Variants in MTUS2 observed in about 807,000 individuals in gnomAD.
The protein encoded by MTUS2 is microtubule associated scaffold protein 2.
In MTUS2, 40 loss-of-function variants were observed where a neutral mutation model predicts 114.1. That is an observed-to-expected ratio of 0.35 (90% confidence interval 0.27 to 0.46). MTUS2 has a LOEUF of 0.46. Ranked by LOEUF, MTUS2 falls within the 20% of genes least tolerant of loss-of-function variation. MTUS2 has a pLI of 1.00. For missense variants in MTUS2, 1,679 were observed against 1,705.4 expected, an observed-to-expected ratio of 0.98 and a Z score of 0.27; for synonymous variants, 688 against 672.0, an observed-to-expected ratio of 1.02 and a Z score of -0.37.
rs115985375 is a variant in MTUS2, at chr13:29,319,317, G to A, written c.2807-5296G>A. ...CGGAGGTCATGGTGACGTGAGGCAC[G>A]ACTGTCCCCCAGGGGGGACTTCAAC... On this transcript the variant is annotated intron_variant, in intron 6 of 15. Coordinates refer to ENST00000612955, the MANE Select transcript of MTUS2 (RefSeq NM_001033602.4). Among the ~76,000 whole-genome samples, 345 of 152,268 alleles carry A rather than the reference G, an allele frequency of 2.3e-3. 1 individual carries two copies. The highest frequency in any genetic ancestry group is 7.7e-3 in the African/African-American group (319 of 41,560).
chr13:29,212,680 A>C (rs1895495689), intron 5 of MTUS2, among the ~76,000 whole-genome samples: 1 of 152,286 alleles, frequency 6.6e-6, no homozygotes, highest in East Asian at 1.9e-4. Flanking sequence ...GGATATTATA[A>C]AGGATACAGA....
chr13:28,935,878 C>T (rs1881876061), intron 2 of MTUS2, among the ~76,000 whole-genome samples: 1 of 152,060 alleles, frequency 6.6e-6, no homozygotes, highest in African/African-American at 2.4e-5. Flanking sequence ...TCCTGAGTAG[C>T]TGGGACCACA....
intron 7 of MTUS2, among the ~76,000 whole-genome samples, chr13:29,343,671 T>C (rs933255749): frequency 2.0e-5 from 3 of 148,700 alleles, no homozygotes; most frequent in Non-Finnish European, 3.0e-5. Flanking sequence ...TGATCTTTGT[T>C]ATTTCTTCTC....
chr13:29,241,627 G>A (rs1471021265), intron 5 of MTUS2, among the ~76,000 whole-genome samples: 1 of 152,130 alleles, frequency 6.6e-6, no homozygotes, highest in Non-Finnish European at 1.5e-5. Context: ...ACATTTGATT[G>A]CATTTGTTCT....
intron 5 of MTUS2, among the ~76,000 whole-genome samples, chr13:29,227,570 A>T (rs777107718): frequency 1.3e-5 from 2 of 152,202 alleles, no homozygotes; most frequent in Non-Finnish European, 2.9e-5. Flanking sequence ...CATCATACCA[A>T]GGAGAATCTG....
At chr13:28,994,431 TG>T (rs1236960698) in intron 2 of MTUS2, among the ~76,000 whole-genome samples, 2 of 152,220 alleles carry the variant, frequency 1.3e-5, no homozygotes, top group Non-Finnish European at 2.9e-5. Context: ...ATGGGATGGC[TG>T]GGTCAAATGG....
At chr13:29,139,631 C>G (rs1593519418) in intron 5 of MTUS2, among the ~76,000 whole-genome samples, 1 of 152,172 alleles carries the variant, frequency 6.6e-6, no homozygotes, top group Non-Finnish European at 1.5e-5. Context: ...TATCTTCACT[C>G]TACGGTTTGG....
intron 4 of MTUS2, among the ~76,000 whole-genome samples, chr13:29,099,831 A>T (rs1593475322): frequency 6.6e-6 from 1 of 152,172 alleles, no homozygotes; most frequent in Non-Finnish European, 1.5e-5. Context: ...CAATATTGTG[A>T]TTCTCTCTGG....
chr13:29,282,477 G>A (rs971975486), intron 6 of MTUS2, among the ~76,000 whole-genome samples: 10 of 152,364 alleles, frequency 6.6e-5, no homozygotes, highest in African/African-American at 2.2e-4. Context: ...GGTGTAACTA[G>A]CACAGGTGCT....
intron 5 of MTUS2, among the ~76,000 whole-genome samples, chr13:29,190,745 C>T (rs1247394541): frequency 6.6e-6 from 1 of 152,198 alleles, no homozygotes; most frequent in Non-Finnish European, 1.5e-5. Context: ...AACTTAGTCT[C>T]TTTCAGTACT....
intron 2 of MTUS2, among the ~76,000 whole-genome samples, chr13:28,988,015 A>G (rs1293188123): frequency 6.6e-6 from 1 of 152,248 alleles, no homozygotes; most frequent in East Asian, 1.9e-4. Context: ...CCTTGGAACA[A>G]TGAAGTCAGA....
intron 2 of MTUS2, among the ~76,000 whole-genome samples, chr13:28,977,294 T>C (rs189985869): frequency 3.3e-5 from 5 of 152,292 alleles, no homozygotes; most frequent in Admixed American, 2.6e-4. Flanking sequence ...TTCAACCCAA[T>C]TGGCCTTTAT....
intron 2 of MTUS2, among the ~76,000 whole-genome samples, chr13:28,865,050 C>A (rs573915035): frequency 2.3e-4 from 35 of 152,132 alleles, no homozygotes; most frequent in African/African-American, 8.2e-4. Context: ...ACTGCAAATG[C>A]ATGTGTGTCT....
intron 2 of MTUS2, among the ~76,000 whole-genome samples, chr13:28,865,079 CTA>C (rs1342631177): frequency 1.4e-4 from 21 of 151,882 alleles, no homozygotes; most frequent in African/African-American, 2.4e-4. Flanking sequence ...GTGTGTGTGT[CTA>C]TGTGTGTGTC....
chr13:29,097,406 A>G (rs1890222663), intron 4 of MTUS2, among the ~76,000 whole-genome samples: 1 of 152,034 alleles, frequency 6.6e-6, no homozygotes, highest in Non-Finnish European at 1.5e-5. Context: ...TGTCTTTTTT[A>G]TGTGCCACCT....
chr13:29,032,679 A>G (rs1011940265), intron 3 of MTUS2, among the ~76,000 whole-genome samples: 6 of 152,208 alleles, frequency 3.9e-5, no homozygotes, highest in African/African-American at 1.4e-4. Flanking sequence ...CTACAATGTC[A>G]ATTTGAAGGA....
chr13:29,269,862 C>G (rs539865247), intron 5 of MTUS2, among the ~76,000 whole-genome samples: 14 of 152,206 alleles, frequency 9.2e-5, no homozygotes, highest in African/African-American at 3.4e-4. Flanking sequence ...AAGCAGAATA[C>G]CATAGGGCCT....
In MTUS2 at chr13:28,846,491, T is replaced by C. The variant is rs1347461788; in HGVS notation, c.-243+6641T>C. ...AAGCTGTGTGTGTCTTTTAAATGTT[T>C]TAGTTGTAGTTTTCTTCTTTCCTCT... is the stretch of plus-strand genomic sequence containing the variant. On this transcript the variant is annotated intron_variant, in intron 2 of 15. Coordinates refer to ENST00000612955, the MANE Select transcript of MTUS2 (RefSeq NM_001033602.4). 3.3e-5 allele frequency among the ~76,000 whole-genome samples: 5 copies of C among 149,524 alleles called. No individual in the cohort carries two copies. In the East Asian group the frequency reaches 9.8e-4, roughly 29 times the overall value.
intron 8 of MTUS2, chr13:29,428,781 C>G: frequency 6.2e-7 from 1 of 1,611,596 alleles, no homozygotes; most frequent in South Asian, 1.1e-5. Context: ...GGTACCTCGG[C>G]TTAGGAGTTG....
Sources: allele counts gnomAD v4.1 joint callset (sites outside exome capture counted in the v4.1 genomes callset), GRCh38; gene constraint gnomAD v4.1.1; transcripts MANE v1.5; gene names NCBI Gene and HGNC (gene_info 2026-07-23, HGNC 2026-07-21).